The following COP1 variants were observed in gnomAD, a reference collection of about 807,000 sequenced individuals.
The protein encoded by COP1 is E3 ubiquitin-protein ligase COP1.
A neutral mutation model predicts 101.3 loss-of-function variants in COP1; 24 were observed. The ratio of observed to expected loss-of-function variants is 0.24; its 90% CI spans 0.17 to 0.33. The LOEUF is 0.33. Ranked by LOEUF, COP1 falls within the 10% of genes least tolerant of loss-of-function variation. The probability of loss-of-function intolerance (pLI) is 1.00; values close to 1 mark genes in which losing one functional copy is unlikely to be tolerated. For synonymous variants in COP1, 347 were observed against 341.9 expected (o/e 1.01, Z -0.17); for missense variants, 663 against 906.2 (o/e 0.73, Z 3.45).
intron 18 of COP1, among the ~76,000 whole-genome samples, chr1:175,956,271 A>G (rs1650637183): frequency 6.6e-6 from 1 of 152,166 alleles, no homozygotes; most frequent in Non-Finnish European, 1.5e-5. Context: ...TGCTGTTGAA[A>G]CAACTGCAGG....
intron 6 of COP1, among the ~76,000 whole-genome samples, chr1:176,139,235 A>G (rs1414664595): frequency 6.6e-6 from 1 of 151,652 alleles, no homozygotes; most frequent in Non-Finnish European, 1.5e-5. Flanking sequence ...ATACCATCTC[A>G]CACCAGTCAG....
chr1:176,207,021 C>T lies in COP1; in HGVS notation c.-43G>A. On this transcript the variant is annotated 5_prime_UTR_variant, in exon 1 of 20. Transcript: ENST00000367669. Reference sequence around the variant, plus strand: ...CAGCCGGGCGCTCGGAGGAGAGGGACCGCGACCTCGACCCTCCGCCGCCTC... The same window carrying T: ...CAGCCGGGCGCTCGGAGGAGAGGGATCGCGACCTCGACCCTCCGCCGCCTC... 1 of 1,354,884 alleles carries T rather than the reference C, an allele frequency of 7.4e-7. No homozygotes were observed. Among genetic ancestry groups the T allele is most frequent in the Non-Finnish European group, 9.5e-7 (1 of 1,055,756 alleles). The allele number at this position is 1,354,884 out of a possible 1,614,324, so 83.9% of individuals were successfully genotyped here.
At position 176,159,474 on chromosome 1, in the gene COP1, G is replaced by C. The variant is rs552430796; in HGVS notation, c.762+3395C>G. Among the ~76,000 whole-genome samples, 150 of 152,174 alleles carry C rather than the reference G, an allele frequency of 9.9e-4. 2 individuals carry two copies. Among genetic ancestry groups the C allele is most frequent in the Non-Finnish European group, 1.6e-3 (107 of 67,990 alleles). ...TCTGTCAATATCAAATATTTAATAA[G>C]ATTAAAATGTGCACACATACCCTAA... On this transcript the variant is annotated intron_variant, in intron 5 of 19. Coordinates refer to ENST00000367669, the MANE Select transcript of COP1 (RefSeq NM_022457.7).
chr1:175,968,898 C>T (rs1394052009), intron 18 of COP1, among the ~76,000 whole-genome samples: 1 of 152,174 alleles, frequency 6.6e-6, no homozygotes, highest in Non-Finnish European at 1.5e-5. Context: ...CACATGTTAA[C>T]AGTTAATATC....
At chr1:176,081,065 TTAA>T in intron 11 of COP1, 84 bp downstream of exon 11, 2 of 1,207,374 alleles carry the variant, frequency 1.7e-6, no homozygotes, top group Non-Finnish European at 2.3e-6. Context: ...ACCCACGCTT[TTAA>T]TAATAATGGT....
chr1:176,015,923 A>G (rs1665548423), intron 15 of COP1, among the ~76,000 whole-genome samples: 1 of 152,160 alleles, frequency 6.6e-6, no homozygotes, highest in African/African-American at 2.4e-5. Context: ...CTGTAATATG[A>G]TTTTTTTAAA....
intron 18 of COP1, among the ~76,000 whole-genome samples, chr1:175,983,032 A>G (rs193062354): frequency 1.3e-5 from 2 of 152,282 alleles, no homozygotes; most frequent in Admixed American, 1.3e-4. Context: ...TAAGATTTTA[A>G]ATGTTCCCAC....
At chr1:175,995,459 C>A (rs1006483093) in intron 15 of COP1, among the ~76,000 whole-genome samples, 2 of 152,060 alleles carry the variant, frequency 1.3e-5, no homozygotes, top group East Asian at 3.8e-4. Context: ...AATCCAGGAG[C>A]TGGTTTTTTG....
intron 11 of COP1, among the ~76,000 whole-genome samples, chr1:176,076,463 A>C (rs928507753): frequency 6.6e-6 from 1 of 152,230 alleles, no homozygotes; most frequent in Non-Finnish European, 1.5e-5. Flanking sequence ...CTTTGGATGC[A>C]GCTAAAGCAG....
intron 3 of COP1, among the ~76,000 whole-genome samples, chr1:176,172,032 ACTCT>A (rs1219447766): frequency 6.6e-6 from 1 of 152,182 alleles, no homozygotes; most frequent in Non-Finnish European, 1.5e-5. Flanking sequence ...TCTAGAATTT[ACTCT>A]CTTTTTTAAA....
intron 14 of COP1, among the ~76,000 whole-genome samples, chr1:176,042,753 A>AAAG: frequency 1.1e-5 from 1 of 95,212 alleles, no homozygotes; most frequent in East Asian, 3.5e-4. Flanking sequence ...AAAAAAAAAA[A>AAAG]GTGGCTCACA....
chr1:175,997,641 T>C (rs185133537), intron 15 of COP1, among the ~76,000 whole-genome samples: 5 of 152,138 alleles, frequency 3.3e-5, no homozygotes, highest in Non-Finnish European at 5.9e-5. Context: ...AAAAAACACA[T>C]GAAAAAATGC....
At chr1:176,097,031 G>C (rs1682524539) in intron 9 of COP1, among the ~76,000 whole-genome samples, 1 of 152,102 alleles carries the variant, frequency 6.6e-6, no homozygotes, top group Non-Finnish European at 1.5e-5. Flanking sequence ...GAAATGCCTT[G>C]GATTTTACTT....
At chr1:176,023,362 G>T (rs753318692) in intron 15 of COP1, among the ~76,000 whole-genome samples, 12 of 152,170 alleles carry the variant, frequency 7.9e-5, no homozygotes, top group Non-Finnish European at 1.6e-4. Context: ...GAATTATAAA[G>T]GAATGTTATT....
At chr1:175,962,361 T>A (rs1247255000) in intron 18 of COP1, among the ~76,000 whole-genome samples, 1 of 152,210 alleles carries the variant, frequency 6.6e-6, no homozygotes, top group East Asian at 1.9e-4. Flanking sequence ...TGAGAAAAAA[T>A]CTGCACAAAC....
chr1:176,180,256 G>T (rs1442225879), intron 2 of COP1, among the ~76,000 whole-genome samples: 4 of 152,158 alleles, frequency 2.6e-5, no homozygotes, highest in Non-Finnish European at 5.9e-5. Context: ...TGAATGAGTA[G>T]ATACAGCCAG....
At chr1:176,068,262 CCCT>C (rs1676363127) in intron 11 of COP1, among the ~76,000 whole-genome samples, 1 of 152,134 alleles carries the variant, frequency 6.6e-6, no homozygotes, top group African/African-American at 2.4e-5. Flanking sequence ...TTTCTTCCCT[CCCT>C]CCTTTCTTTT....
intron 18 of COP1, among the ~76,000 whole-genome samples, chr1:175,959,282 A>C (rs1651043919): frequency 6.6e-6 from 1 of 152,066 alleles, no homozygotes; most frequent in Non-Finnish European, 1.5e-5. Context: ...AACTCTCAGC[A>C]CATTGAGAAC....
intron 9 of COP1, among the ~76,000 whole-genome samples, chr1:176,105,451 T>C (rs576511592): frequency 6.6e-6 from 1 of 152,294 alleles, no homozygotes; most frequent in Admixed American, 6.5e-5. Flanking sequence ...TTCAAAGAAA[T>C]ATCTCTAGTT....
Sources: allele counts gnomAD v4.1 joint callset (sites outside exome capture counted in the v4.1 genomes callset), GRCh38; gene constraint gnomAD v4.1.1; transcripts MANE v1.5; gene names NCBI Gene and HGNC (gene_info 2026-07-23, HGNC 2026-07-21).